The following SLC8A1 variants were observed in gnomAD, a reference collection of about 807,000 sequenced individuals.
SLC8A1 encodes the protein sodium/calcium exchanger 1.
SLC8A1 carries 18 observed loss-of-function variants against 68.3 expected under a neutral mutation model. That is an observed-to-expected ratio of 0.26 (90% CI 0.18 to 0.39). The LOEUF is 0.39. Ranked by LOEUF, SLC8A1 falls within the 10% of genes least tolerant of loss-of-function variation. SLC8A1 has a pLI of 1.00. For synonymous variants in SLC8A1, 475 were observed against 415.5 expected (o/e 1.14, Z -1.74); for missense variants, 985 against 1,156.7 (o/e 0.85, Z 2.15).
intron 2 of SLC8A1, among the ~76,000 whole-genome samples, chr2:40,276,501 G>T (rs2066716289): frequency 6.6e-6 from 1 of 152,174 alleles, no homozygotes; most frequent in African/African-American, 2.4e-5. Flanking sequence ...GCCAACAGAA[G>T]AAAAGTGCCC....
chr2:40,429,990 A>G, exon 2 of SLC8A1: 1 of 1,613,864 alleles, frequency 6.2e-7, no homozygotes. Flanking sequence ...ACATGAACCG[A>G]TCAGCTATGA....
At chr2:40,467,825 C>T (rs1703782458) in intron 1 of SLC8A1, among the ~76,000 whole-genome samples, 1 of 152,058 alleles carries the variant, frequency 6.6e-6, no homozygotes. Flanking sequence ...TTATGGTTAC[C>T]ACCTTTGCAA....
intron 1 of SLC8A1, among the ~76,000 whole-genome samples, chr2:40,450,734 C>T (rs974617223): frequency 2.0e-5 from 3 of 152,210 alleles, no homozygotes; most frequent in Non-Finnish European, 4.4e-5. Flanking sequence ...AGCTGACTAG[C>T]AGGAGAGAGA....
At chr2:40,190,097 T>C (rs2051481127) in intron 2 of SLC8A1, among the ~76,000 whole-genome samples, 1 of 152,256 alleles carries the variant, frequency 6.6e-6, no homozygotes, top group South Asian at 2.1e-4. Flanking sequence ...TCGCTAAGCA[T>C]CTTATTTGTT....
intron 2 of SLC8A1, among the ~76,000 whole-genome samples, chr2:40,219,636 T>C (rs970390824): frequency 4.6e-5 from 7 of 152,162 alleles, no homozygotes; most frequent in African/African-American, 1.7e-4. Flanking sequence ...CAATTATAAG[T>C]TTTTTTCTTC....
chr2:40,257,290 C>T (rs926754197), intron 2 of SLC8A1, among the ~76,000 whole-genome samples: 1 of 152,170 alleles, frequency 6.6e-6, no homozygotes, highest in African/African-American at 2.4e-5. Flanking sequence ...CGCAAGCATA[C>T]TTCCCATGTC....
intron 7 of SLC8A1, chr2:40,123,131 G>T (rs2373792): frequency 0.37 from 56,671 of 151,990 alleles, 11,534 homozygotes; most frequent in Middle Eastern, 0.48. Flanking sequence ...TTATTTTTCA[G>T]TGTGATGTTC....
chr2:40,499,465 T>A (rs1212216433), intron 1 of SLC8A1, among the ~76,000 whole-genome samples: 1 of 152,086 alleles, frequency 6.6e-6, no homozygotes, highest in Non-Finnish European at 1.5e-5. Context: ...ACTTCCACTG[T>A]TACCAGGAGC....
At chr2:40,493,924 C>T (rs1437867485) in intron 1 of SLC8A1, among the ~76,000 whole-genome samples, 2 of 149,542 alleles carry the variant, frequency 1.3e-5, no homozygotes, top group African/African-American at 2.5e-5. Flanking sequence ...CTCTTTTTTC[C>T]TTTCCTTCCT....
intron 2 of SLC8A1, among the ~76,000 whole-genome samples, chr2:40,419,068 A>G (rs1344970708): frequency 2.0e-5 from 3 of 152,212 alleles, no homozygotes; most frequent in Non-Finnish European, 2.9e-5. Flanking sequence ...TCGTACATCC[A>G]TCTCCTCTAG....
At chr2:40,448,093 G>A (rs182799079) in intron 1 of SLC8A1, among the ~76,000 whole-genome samples, 19 of 152,296 alleles carry the variant, frequency 1.2e-4, no homozygotes, top group Admixed American at 2.0e-4. Context: ...CAAGGACTAC[G>A]AGCAACTGTC....
At chr2:40,145,931 TA>T (rs2042379852) in intron 6 of SLC8A1, among the ~76,000 whole-genome samples, 1 of 151,790 alleles carries the variant, frequency 6.6e-6, no homozygotes, top group Admixed American at 6.6e-5. Context: ...CTAAATTCAG[TA>T]ACCCAAAGAT....
chr2:40,158,600 G>A (rs147485187), intron 6 of SLC8A1, among the ~76,000 whole-genome samples: 266 of 152,264 alleles, frequency 1.7e-3, no homozygotes, highest in African/African-American at 6.1e-3. Context: ...ATGAAATGAT[G>A]ACACCATGGC....
intron 2 of SLC8A1, among the ~76,000 whole-genome samples, chr2:40,291,505 G>A (rs367926570): frequency 1.3e-5 from 2 of 152,006 alleles, no homozygotes; most frequent in East Asian, 1.9e-4. Flanking sequence ...GATGTGATCC[G>A]CTCCCATTTT....
intron 2 of SLC8A1, among the ~76,000 whole-genome samples, chr2:40,325,653 T>C (rs375013165): frequency 6.6e-6 from 1 of 151,246 alleles, no homozygotes; most frequent in Non-Finnish European, 1.5e-5. Context: ...AAAATAAGCA[T>C]CTCTTGGGCC....
intron 7 of SLC8A1, among the ~76,000 whole-genome samples, chr2:40,136,246 C>T (rs535927335): frequency 2.2e-4 from 33 of 152,198 alleles, no homozygotes; most frequent in African/African-American, 7.5e-4. Context: ...CAAGCTCTTG[C>T]CAAAACACCT....
In SLC8A1 at chr2:40,463,839, TACACACACACACACACAC is replaced by T. The variant is rs761954909; in HGVS notation, c.-24-33553_-24-33536del. Among the ~76,000 whole-genome samples the T allele has an allele frequency of 3.8e-3, 465 of 123,392 alleles. 6 individuals are homozygous for T. Among genetic ancestry groups the T allele is most frequent in the African/African-American group, 8.8e-3 (285 of 32,372 alleles). 80.9% of individuals were successfully genotyped at this position (123,392 alleles called of 152,430 possible). A position where few individuals can be genotyped will look rare whatever the true frequency, so the allele number is the denominator to read the frequency against. ...GGATATATACATACACACACACACA[TACACACACACACACACAC>T]ACACACACACACACACACACACACA... On this transcript the variant is annotated intron_variant, in intron 1 of 7. Transcript: ENST00000402441.
intron 2 of SLC8A1, among the ~76,000 whole-genome samples, chr2:40,419,581 T>C (rs1694896196): frequency 6.6e-6 from 1 of 152,060 alleles, no homozygotes; most frequent in Non-Finnish European, 1.5e-5. Context: ...TCTCTCTCTG[T>C]CAGGTGATAT....
exon 8 of SLC8A1, chr2:40,113,035 A>C (rs1198452605): frequency 6.6e-6 from 1 of 152,284 alleles, no homozygotes; most frequent in Non-Finnish European, 1.5e-5. Flanking sequence ...CTTCACTTTT[A>C]CTCATGAAAA....
Sources: allele counts gnomAD v4.1 joint callset (sites outside exome capture counted in the v4.1 genomes callset), GRCh38; gene constraint gnomAD v4.1.1; transcripts MANE v1.5; gene names NCBI Gene and HGNC (gene_info 2026-07-23, HGNC 2026-07-21).